Variants in CADM2 observed in about 807,000 individuals in gnomAD.
CADM2 encodes immunoglobulin superfamily member 4D.
CADM2 carries 12 observed loss-of-function variants against 49.8 expected under a neutral mutation model. The ratio of observed to expected loss-of-function variants is 0.24; its 90% CI spans 0.15 to 0.39. The LOEUF (loss-of-function observed/expected upper bound fraction) is 0.39. CADM2 is among the 10% of genes least tolerant of loss of function. CADM2 has a pLI of 1.00. For synonymous variants in CADM2, 214 were observed against 175.4 expected, an observed-to-expected ratio of 1.22 and a Z score of -1.74; for missense variants, 378 against 492.3, an observed-to-expected ratio of 0.77 and a Z score of 2.20.
chr3:85,673,277 C>T (rs1241062207), intron 1 of CADM2, among the ~76,000 whole-genome samples: 1 of 152,098 alleles, frequency 6.6e-6, no homozygotes, highest in Admixed American at 6.6e-5. Context: ...GAGAAATTCA[C>T]TCTATGAGCC....
chr3:86,066,623 C>T (rs370981737), intron 9 of CADM2, 42 bp from the exon 10 acceptor site: 45 of 1,396,768 alleles, frequency 3.2e-5, no homozygotes, highest in Admixed American at 2.2e-4. Flanking sequence ...GGTATTTTAC[C>T]AGTCTCACAG....
intron 1 of CADM2, among the ~76,000 whole-genome samples, chr3:85,675,896 A>G (rs2065874750): frequency 6.6e-6 from 1 of 152,236 alleles, no homozygotes; most frequent in South Asian, 2.1e-4. Flanking sequence ...GGGAGAAGAC[A>G]TAATGTGCAT....
At chr3:85,093,988 C>T (rs1302512542) in intron 1 of CADM2, among the ~76,000 whole-genome samples, 1 of 152,022 alleles carries the variant, frequency 6.6e-6, no homozygotes, top group East Asian at 1.9e-4. Flanking sequence ...TGAGATGAAT[C>T]TCTAAGTGAT....
At chr3:85,698,176 C>T (rs2066628846) in intron 1 of CADM2, among the ~76,000 whole-genome samples, 1 of 152,182 alleles carries the variant, frequency 6.6e-6, no homozygotes, top group Non-Finnish European at 1.5e-5. Context: ...GACAATTCTG[C>T]TTCTTATGGC....
intron 1 of CADM2, among the ~76,000 whole-genome samples, chr3:85,219,295 T>C (rs1300784935): frequency 6.6e-6 from 1 of 152,178 alleles, no homozygotes; most frequent in African/African-American, 2.4e-5. Flanking sequence ...TTTAGTAATA[T>C]TTGATGGATT....
intron 1 of CADM2, among the ~76,000 whole-genome samples, chr3:85,364,045 CTG>C (rs955600089): frequency 6.6e-6 from 1 of 152,150 alleles, no homozygotes; most frequent in Non-Finnish European, 1.5e-5. Flanking sequence ...AATGTTAAAA[CTG>C]TTTTGGGGCC....
intron 1 of CADM2, among the ~76,000 whole-genome samples, chr3:85,583,733 C>T (rs1339955010): frequency 2.0e-5 from 3 of 152,078 alleles, no homozygotes; most frequent in Admixed American, 2.0e-4. Context: ...TGAATAGTAT[C>T]TGTTCTAATA....
At chr3:85,836,778 A>C (rs1036570629) in intron 3 of CADM2, among the ~76,000 whole-genome samples, 2 of 151,610 alleles carry the variant, frequency 1.3e-5, no homozygotes, top group African/African-American at 4.8e-5. Context: ...CATGAAACTA[A>C]GTATCAATCT....
chr3:86,040,017 A>G (rs924631368), intron 8 of CADM2, among the ~76,000 whole-genome samples: 3 of 152,222 alleles, frequency 2.0e-5, no homozygotes, highest in African/African-American at 7.2e-5. Flanking sequence ...CCTGCAGCTG[A>G]GGGTCCTGAC....
intron 2 of CADM2, among the ~76,000 whole-genome samples, chr3:85,737,150 C>T (rs1218454159): frequency 6.6e-6 from 1 of 152,084 alleles, no homozygotes; most frequent in Non-Finnish European, 1.5e-5. Context: ...CAGGAAAGTA[C>T]ATTTATGGTG....
At chr3:85,182,138 AC>A (rs940574623) in intron 1 of CADM2, among the ~76,000 whole-genome samples, 2 of 151,950 alleles carry the variant, frequency 1.3e-5, no homozygotes, top group Non-Finnish European at 2.9e-5. Context: ...TATATGCATA[AC>A]TTCAAGTATC....
intron 1 of CADM2, among the ~76,000 whole-genome samples, chr3:85,387,434 T>C (rs2034292205): frequency 6.6e-6 from 1 of 152,188 alleles, no homozygotes; most frequent in Non-Finnish European, 1.5e-5. Flanking sequence ...CAGAGTTGCA[T>C]GCCTTTTATT....
chr3:85,618,587 C>G (rs1214098107), intron 1 of CADM2, among the ~76,000 whole-genome samples: 1 of 152,006 alleles, frequency 6.6e-6, no homozygotes, highest in Non-Finnish European at 1.5e-5. Context: ...AAGGATAATC[C>G]CAGTCCAAAG....
intron 1 of CADM2, among the ~76,000 whole-genome samples, chr3:85,438,314 T>C (rs915163340): frequency 6.6e-6 from 1 of 151,920 alleles, no homozygotes; most frequent in African/African-American, 2.4e-5. Flanking sequence ...TCTTTAAATA[T>C]GGATCATTAT....
intron 7 of CADM2, among the ~76,000 whole-genome samples, chr3:85,953,135 A>G (rs935685053): frequency 6.6e-6 from 1 of 150,814 alleles, no homozygotes; most frequent in African/African-American, 2.4e-5. Context: ...TATTGGTGTA[A>G]TCATCAGTTT....
At chr3:85,607,970 A>T (rs1048582547) in intron 1 of CADM2, among the ~76,000 whole-genome samples, 4 of 152,080 alleles carry the variant, frequency 2.6e-5, no homozygotes, top group Middle Eastern at 3.4e-3. Context: ...TTAGAAATTT[A>T]AAAAAATATA....
chr3:85,235,581 T>G (rs547907027), intron 1 of CADM2, among the ~76,000 whole-genome samples: 6 of 152,268 alleles, frequency 3.9e-5, no homozygotes, highest in African/African-American at 1.2e-4. Context: ...TACAAAGATA[T>G]GTATAGACAT....
intron 8 of CADM2, among the ~76,000 whole-genome samples, chr3:85,989,954 G>GC (rs1728558728): frequency 4.4e-5 from 6 of 137,496 alleles, no homozygotes; most frequent in African/African-American, 1.6e-4. Flanking sequence ...GGAGGTTACA[G>GC]TGAGCTGAGA....
intron 1 of CADM2, among the ~76,000 whole-genome samples, chr3:85,034,914 T>C (rs1381847782): frequency 2.0e-5 from 3 of 150,600 alleles, no homozygotes; most frequent in African/African-American, 7.3e-5. Flanking sequence ...GCAATTCTCC[T>C]GCTTCAGCCT....
Sources: gnomAD v4.1 joint callset for allele counts (sites outside exome capture counted in the v4.1 genomes callset) on GRCh38, gnomAD v4.1.1 for gene constraint, MANE v1.5 for transcripts, NCBI Gene and HGNC (gene_info 2026-07-23, HGNC 2026-07-21) for gene names.